GPHN: variants seen among roughly 807,000 people sequenced by gnomAD.
GPHN encodes the protein gephyrin.
A neutral mutation model predicts 95.5 loss-of-function variants in GPHN; 17 were observed. That is an observed-to-expected ratio of 0.18 (90% CI 0.12 to 0.27). The LOEUF (loss-of-function observed/expected upper bound fraction) is 0.27, where lower values mean the gene tolerates loss of function less well. Among genes scored for constraint, GPHN ranks in the 10% least tolerant of loss-of-function variants. The pLI is 1.00. For synonymous variants in GPHN, 320 were observed against 322.5 expected (o/e 0.99, Z 0.08); for missense variants, 660 against 978.1 (o/e 0.67, Z 4.34).
chr14:66,588,975 G>A (rs1196640824), intron 1 of GPHN, among the ~76,000 whole-genome samples: 2 of 152,064 alleles, frequency 1.3e-5, no homozygotes, highest in Non-Finnish European at 2.9e-5. Context: ...GTTAAGGGCA[G>A]CCAGAGAGAA....
the GPHN span, chr14:67,589,325 AT>A: frequency 2.0e-6 from 2 of 978,652 alleles, no homozygotes; most frequent in Non-Finnish European, 2.4e-6. Flanking sequence ...ATATTTGCTT[AT>A]TTATTCTTTG....
intron 16 of GPHN, among the ~76,000 whole-genome samples, chr14:67,119,936 C>G (rs1381586753): frequency 6.6e-6 from 1 of 152,068 alleles, no homozygotes; most frequent in East Asian, 1.9e-4. Context: ...TCAAGACCAG[C>G]CTGGCCAACA....
At chr14:66,801,481 T>A (rs1024048985) in intron 3 of GPHN, among the ~76,000 whole-genome samples, 1 of 152,208 alleles carries the variant, frequency 6.6e-6, no homozygotes, top group Non-Finnish European at 1.5e-5. Context: ...AAGAATTCTC[T>A]GGATTATCAA....
At chr14:66,812,430 C>T (rs111671717) in intron 3 of GPHN, among the ~76,000 whole-genome samples, 83 of 152,206 alleles carry the variant, frequency 5.5e-4, no homozygotes, top group African/African-American at 1.7e-3. Context: ...CCCATTCTTG[C>T]GAGAAAAGAT....
chr14:66,887,896 A>C (rs2064281908), intron 5 of GPHN, among the ~76,000 whole-genome samples: 1 of 152,214 alleles, frequency 6.6e-6, no homozygotes, highest in African/African-American at 2.4e-5. Context: ...GTAATCAAAG[A>C]CATGAAACTC....
intron 2 of GPHN, among the ~76,000 whole-genome samples, chr14:66,764,086 G>A (rs940377744): frequency 1.2e-4 from 18 of 152,222 alleles, no homozygotes; most frequent in African/African-American, 4.1e-4. Context: ...ATATTACAAT[G>A]TAATAAGAAT....
intron 4 of GPHN, among the ~76,000 whole-genome samples, chr14:66,837,352 C>G (rs1482132414): frequency 1.4e-5 from 2 of 147,674 alleles, no homozygotes; most frequent in East Asian, 4.0e-4. Context: ...GAACAAAAAA[C>G]CAAACACCGC....
intron 14 of GPHN, among the ~76,000 whole-genome samples, chr14:67,111,495 C>T (rs986212068): frequency 6.6e-6 from 1 of 152,070 alleles, no homozygotes; most frequent in African/African-American, 2.4e-5. Flanking sequence ...AAGATATTAC[C>T]TCCACACACG....
chr14:66,839,801 T>C (rs752290874), intron 4 of GPHN, among the ~76,000 whole-genome samples: 49 of 125,816 alleles, frequency 3.9e-4, no homozygotes, highest in Non-Finnish European at 6.7e-4. Flanking sequence ...TACTTTGATA[T>C]AAGTTTCCAT....
At chr14:67,263,520 A>G in the GPHN span, among the ~76,000 whole-genome samples, 36 of 152,356 alleles carry the variant, frequency 2.4e-4, no homozygotes, top group Admixed American at 5.2e-4. Context: ...ACACTGAACT[A>G]AGAATTAATC....
intron 4 of GPHN, 90 bp downstream of exon 4, chr14:66,824,656 C>T (rs754770390): frequency 4.5e-6 from 3 of 665,254 alleles, no homozygotes; most frequent in Non-Finnish European, 7.9e-6. Context: ...ATTTTTATAA[C>T]TTTGCTAGGC....
chr14:67,444,217 A>AT, the GPHN span, among the ~76,000 whole-genome samples: 1 of 152,180 alleles, frequency 6.6e-6, no homozygotes, highest in African/African-American at 2.4e-5. Context: ...CCTTGAGCAT[A>AT]TGTTGTCAGG....
At chr14:66,562,277 CTCTAGTA>C (rs1326043398) in intron 1 of GPHN, among the ~76,000 whole-genome samples, 1 of 152,088 alleles carries the variant, frequency 6.6e-6, no homozygotes, top group Non-Finnish European at 1.5e-5. Context: ...AGTGTGATGA[CTCTAGTA>C]TTGTATACTT....
At chr14:67,530,904 GCCT>G in the GPHN span, among the ~76,000 whole-genome samples, 1 of 152,150 alleles carries the variant, frequency 6.6e-6, no homozygotes, top group Non-Finnish European at 1.5e-5. Context: ...AAGACGAATG[GCCT>G]CCTCTCACCT....
the GPHN span, chr14:67,592,667 G>A: frequency 3.1e-6 from 5 of 1,608,970 alleles, no homozygotes; most frequent in Admixed American, 8.3e-5. Flanking sequence ...GATATCCCAT[G>A]TGGTTCCACT....
At chr14:67,341,567 G>A in the GPHN span, among the ~76,000 whole-genome samples, 8 of 150,376 alleles carry the variant, frequency 5.3e-5, no homozygotes, top group Non-Finnish European at 1.2e-4. Context: ...GAGGTGGGGG[G>A]GTCAGCCCCC....
intron 3 of GPHN, among the ~76,000 whole-genome samples, chr14:66,798,832 C>T (rs546228800): frequency 1.3e-5 from 2 of 150,210 alleles, no homozygotes; most frequent in Admixed American, 1.3e-4. Flanking sequence ...CTCCTCTGAT[C>T]TTTATTTCTT....
chr14:67,087,867 C>A (rs1239745961), intron 11 of GPHN, among the ~76,000 whole-genome samples: 2 of 152,130 alleles, frequency 1.3e-5, no homozygotes, highest in East Asian at 3.9e-4. Flanking sequence ...CTTCCTTCCT[C>A]TTCCTCTTTT....
the GPHN span, among the ~76,000 whole-genome samples, chr14:67,601,990 C>A: frequency 1.3e-5 from 2 of 151,202 alleles, no homozygotes; most frequent in African/African-American, 4.9e-5. Context: ...TTCTTTTTTC[C>A]TAAAGGATTT....
Sources: allele counts gnomAD v4.1 joint callset (sites outside exome capture counted in the v4.1 genomes callset), GRCh38; gene constraint gnomAD v4.1.1; transcripts MANE v1.5; gene names NCBI Gene and HGNC (gene_info 2026-07-23, HGNC 2026-07-21).